The following BTBD2 variants were observed in gnomAD, a reference collection of about 807,000 sequenced individuals.
BTBD2 encodes the protein BTB/POZ domain-containing protein 2.
A neutral mutation model predicts 44.0 loss-of-function variants in BTBD2; 15 were observed. The ratio of observed to expected loss-of-function variants is 0.34; its 90% confidence interval spans 0.23 to 0.53. BTBD2 has a LOEUF of 0.53. Among genes scored for constraint, BTBD2 ranks in the 20% least tolerant of loss-of-function variants. The pLI is 0.95. For missense variants in BTBD2, 657 were observed against 746.4 expected, an observed-to-expected ratio of 0.88 and a Z score of 1.39; for synonymous variants, 443 against 335.9, an observed-to-expected ratio of 1.32 and a Z score of -3.49.
Position 1,987,208 on chromosome 19 carries a change from A to T in BTBD2, c.1227T>A (p.Tyr409Ter). The T allele has an allele frequency of 6.2e-7, 1 of 1,613,806 alleles. No homozygotes were observed. Among genetic ancestry groups the T allele is most frequent in the Non-Finnish European group, 8.5e-7 (1 of 1,179,858 alleles). The change falls in exon 7 of 9, where the codon TAT becomes TAA. Residue 409 changes from tyrosine (Y) to a stop codon, truncating the protein, a stop_gained. Transcript: ENST00000255608. LOFTEE classifies it high-confidence loss of function. ...AGTCGGTGGGCCCGTGGATGGATCC[A>T]TACAGCCCAAATCCCACCACGAAGA... Reference protein sequence around the residue: ...KRIFVVGFGLYGSIHGPTDYQ... With the variant: ...KRIFVVGFGL
At chr19:2,009,495 C>G (rs62129528) in intron 1 of BTBD2, among the ~76,000 whole-genome samples, 71,825 of 151,110 alleles carry the variant, frequency 0.48, 18,333 homozygotes, top group East Asian at 0.69. Context: ...ACCACACCCA[C>G]CCAGATTGTT....
chr19:1,990,790 G>A lies in BTBD2; in HGVS notation c.717C>T (p.Ser239=). ...TTTTGTCGATGTTCTCCAGGCACAG[G>A]CTGGCCAGCTGCGGTTCATCGAAGA... ...ARLFDEPQLA[S]LCLENIDKNT... The change falls in exon 4 of 9, where the codon AGC becomes AGT. Residue 239 remains serine (S), a synonymous_variant. Coordinates refer to ENST00000255608, the MANE Select transcript of BTBD2 (RefSeq NM_017797.4). 6.3e-7 allele frequency: 1 copy of A among 1,590,594 alleles called. No homozygotes were observed. The highest frequency in any genetic ancestry group is 8.5e-7 in the Non-Finnish European group (1 of 1,169,824).
chr19:2,011,809 G>C (rs1309609505), intron 1 of BTBD2, among the ~76,000 whole-genome samples: 1 of 151,776 alleles, frequency 6.6e-6, no homozygotes, highest in East Asian at 1.9e-4. Context: ...CCTTCATCGT[G>C]GCCACCTCCA....
At position 1,990,784 on chromosome 19, in the gene BTBD2, G is replaced by A. The variant is rs80054150; in HGVS notation, c.723C>T (p.Cys241=). Residue 241 remains cysteine, a synonymous_variant, in exon 4 of 9, where the codon TGC becomes TGT. Coordinates refer to ENST00000255608, the MANE Select transcript of BTBD2 (RefSeq NM_017797.4). The stretch of plus-strand genomic sequence containing the variant: ...CAGTGTTTTTGTCGATGTTCTCCAG[G>A]CACAGGCTGGCCAGCTGCGGTTCAT... The part of the protein sequence containing the change: ...LFDEPQLASL[C]LENIDKNTAD... 1,099 of 1,594,928 alleles carry A rather than the reference G, an allele frequency of 6.9e-4. 12 individuals are homozygous for A. In the East Asian group the frequency reaches 0.02, roughly 28 times the overall value.
chr19:1,986,988 T>G lies in BTBD2; in HGVS notation c.1270-12A>C, dbSNP rs1599345222. The G allele has an allele frequency of 6.2e-7, 1 of 1,606,244 alleles. No homozygotes were observed. Among genetic ancestry groups the G allele is most frequent in the Non-Finnish European group, 8.5e-7 (1 of 1,175,824 alleles). The stretch of plus-strand genomic sequence containing the variant: ...TCGGTGTGAATAATCTGCGGGGAGG[T>G]GGGAAGTGGGAGGCTCAGGCCTGGG... On this transcript the variant is annotated splice_polypyrimidine_tract_variant and intron_variant, in intron 7 of 8. Coordinates refer to ENST00000255608, the MANE Select transcript of BTBD2 (RefSeq NM_017797.4).
intron 1 of BTBD2, among the ~76,000 whole-genome samples, chr19:1,997,876 TCA>T (rs954457105): frequency 6.6e-6 from 1 of 152,232 alleles, no homozygotes; most frequent in African/African-American, 2.4e-5. Context: ...ATGCATTCAT[TCA>T]CACAGGCGTT....
chr19:2,008,807 G>T (rs1326916164), intron 1 of BTBD2, among the ~76,000 whole-genome samples: 3 of 151,908 alleles, frequency 2.0e-5, no homozygotes, highest in Non-Finnish European at 4.4e-5. Flanking sequence ...CTGGGGTCAA[G>T]TGATCCTCCC....
Sources: allele counts gnomAD v4.1 joint callset (sites outside exome capture counted in the v4.1 genomes callset), GRCh38; gene constraint gnomAD v4.1.1; transcripts MANE v1.5; gene names NCBI Gene and HGNC (gene_info 2026-07-23, HGNC 2026-07-21).